KIAA1217: variants seen among roughly 807,000 people sequenced by gnomAD.
KIAA1217 encodes the protein KIAA1217.
Under a neutral mutation model 163.9 loss-of-function variants are expected in KIAA1217, and 88 were observed. The ratio of observed to expected loss-of-function variants is 0.54; its 90% confidence interval spans 0.45 to 0.64. KIAA1217 has a LOEUF of 0.64. KIAA1217 is among the 30% of genes least tolerant of loss of function. The probability of loss-of-function intolerance (pLI) is 0.00; values close to 1 mark genes in which losing one functional copy is unlikely to be tolerated. For synonymous variants in KIAA1217, 903 were observed against 923.1 expected, an observed-to-expected ratio of 0.98 and a Z score of 0.39; for missense variants, 2,372 against 2,475.0, an observed-to-expected ratio of 0.96 and a Z score of 0.88.
intron 2 of KIAA1217, among the ~76,000 whole-genome samples, chr10:24,186,725 T>C (rs1376171065): frequency 6.6e-6 from 1 of 152,054 alleles, no homozygotes; most frequent in Non-Finnish European, 1.5e-5. Flanking sequence ...ATCCCTTCTT[T>C]ACTAAAAATG....
chr10:23,856,325 G>A (rs1054665272), intron 1 of KIAA1217, among the ~76,000 whole-genome samples: 4 of 152,206 alleles, frequency 2.6e-5, no homozygotes, highest in Admixed American at 6.5e-5. Context: ...GCAGAACAGC[G>A]GATTTTCGTG....
At chr10:24,255,598 T>G (rs1471758907) in intron 2 of KIAA1217, 1 of 452,716 alleles carries the variant, frequency 2.2e-6, no homozygotes, top group Admixed American at 2.4e-5. Context: ...AGGAGCAAGG[T>G]ACAGGAGTGG....
chr10:23,829,178 G>A (rs1009293259), intron 1 of KIAA1217, among the ~76,000 whole-genome samples: 1 of 152,124 alleles, frequency 6.6e-6, no homozygotes, highest in African/African-American at 2.4e-5. Flanking sequence ...CAGATACATT[G>A]GCTGTAGGAA....
rs58529942 is a variant in KIAA1217 at position 24,511,152 on chromosome 10, CAAAAAAAA to C, written c.2002-2093_2002-2086del. 3.5e-4 allele frequency among the ~76,000 whole-genome samples: 12 copies of C among 34,512 alleles called. 2 individuals carry two copies. In the East Asian group the frequency reaches 0.01, roughly 29 times the overall value. 22.6% of individuals were successfully genotyped at this position (34,512 alleles called of 152,430 possible). Reference sequence around the variant, plus strand: ...TGGGCAACAGAGTGAGACTCTGTCTCAAAAAAAAAAAAAAAAAAAAAGGAGCCTGGCCC... The same window carrying C: ...TGGGCAACAGAGTGAGACTCTGTCTCAAAAAAAAAAAAAGGAGCCTGGCCC... On this transcript the variant is annotated intron_variant, in intron 9 of 20. Coordinates refer to ENST00000376454, the MANE Select transcript of KIAA1217 (RefSeq NM_019590.5).
intron 2 of KIAA1217, among the ~76,000 whole-genome samples, chr10:24,051,626 CT>C (rs1849519359): frequency 6.6e-6 from 1 of 152,022 alleles, no homozygotes; most frequent in Non-Finnish European, 1.5e-5. Context: ...TCTGTTATTT[CT>C]TTATTTTTAA....
At chr10:23,814,560 A>G (rs1837229824) in intron 1 of KIAA1217, among the ~76,000 whole-genome samples, 1 of 152,196 alleles carries the variant, frequency 6.6e-6, no homozygotes, top group Non-Finnish European at 1.5e-5. Flanking sequence ...GTATTAAATG[A>G]ACAAGTTATG....
At chr10:23,806,872 C>G (rs1370156916) in intron 1 of KIAA1217, among the ~76,000 whole-genome samples, 4 of 152,182 alleles carry the variant, frequency 2.6e-5, no homozygotes, top group Admixed American at 2.6e-4. Flanking sequence ...TAAGGTGCTT[C>G]CCACCCCTCT....
At position 23,740,029 on chromosome 10, in the gene KIAA1217, T is replaced by TGG. The variant is rs34058520; in HGVS notation, c.-321+44801_-321+44802dup. Among the ~76,000 whole-genome samples the TGG allele has an allele frequency of 4.2e-3, 642 of 151,564 alleles. 1 individual carries two copies. The highest frequency in any genetic ancestry group is 0.014 in the African/African-American group (566 of 41,172). On this transcript the variant is annotated intron_variant, in intron 1 of 18. Coordinates refer to the KIAA1217 transcript ENST00000376462. Reference sequence around the variant, plus strand: ...GAGGGGAGATGAGATTTGGTGAAGATGGGGGGGTTCCATTTTATACATCTT... The same window carrying TGG: ...GAGGGGAGATGAGATTTGGTGAAGATGGGGGGGGGTTCCATTTTATACATCTT...
chr10:23,741,883 A>G (rs542892594), intron 1 of KIAA1217, among the ~76,000 whole-genome samples: 5 of 152,228 alleles, frequency 3.3e-5, no homozygotes. Context: ...AGAATGAAAC[A>G]AGTGATGGGA....
At chr10:23,716,098 T>C (rs536016469) in intron 1 of KIAA1217, among the ~76,000 whole-genome samples, 21 of 152,182 alleles carry the variant, frequency 1.4e-4, no homozygotes, top group Non-Finnish European at 3.1e-4. Flanking sequence ...TGACTAACGC[T>C]GCATGCAAGA....
chr10:24,414,286 A>G (rs571928551), intron 3 of KIAA1217, among the ~76,000 whole-genome samples: 1 of 152,364 alleles, frequency 6.6e-6, no homozygotes, highest in East Asian at 1.9e-4. Flanking sequence ...TATGCTTGTT[A>G]TATAAGCATA....
In KIAA1217 at chr10:23,903,232, T is replaced by C. The variant is rs527418112; in HGVS notation, c.-320-103993T>C. Among the ~76,000 whole-genome samples the C allele has an allele frequency of 2.6e-5, 4 of 152,250 alleles. No homozygotes were observed. In the South Asian group the frequency reaches 8.3e-4, roughly 32 times the overall value. ...TTGGTATTTCTTTAAAACTTACCCA[T>C]GGTGAACTTAGTAGTTTCTATCAAA... is the stretch of plus-strand genomic sequence containing the variant. On this transcript the variant is annotated intron_variant, in intron 1 of 18. Transcript: ENST00000376462.
At chr10:23,720,490 T>A (rs1402471767) in intron 1 of KIAA1217, among the ~76,000 whole-genome samples, 3 of 152,150 alleles carry the variant, frequency 2.0e-5, no homozygotes, top group Non-Finnish European at 2.9e-5. Context: ...TGAGCTGCAC[T>A]TTTGAGGCTG....
At chr10:24,448,709 TAGTC>T (rs1219552034) in intron 5 of KIAA1217, among the ~76,000 whole-genome samples, 1 of 152,212 alleles carries the variant, frequency 6.6e-6, no homozygotes, top group African/African-American at 2.4e-5. Context: ...ATTGAGTCGA[TAGTC>T]AGTATTTCAA....
At chr10:23,784,646 C>G (rs1417911215) in intron 1 of KIAA1217, among the ~76,000 whole-genome samples, 1 of 152,044 alleles carries the variant, frequency 6.6e-6, no homozygotes, top group Non-Finnish European at 1.5e-5. Context: ...TTTGTAGTTA[C>G]CATGAGGTTA....
chr10:24,451,428 C>G (rs1044651184), intron 5 of KIAA1217, among the ~76,000 whole-genome samples: 1 of 152,200 alleles, frequency 6.6e-6, no homozygotes, highest in African/African-American at 2.4e-5. Context: ...TTCAACAGTG[C>G]TCTTCCCACC....
At chr10:24,489,516 T>G (rs1032113880) in intron 6 of KIAA1217, among the ~76,000 whole-genome samples, 4 of 151,688 alleles carry the variant, frequency 2.6e-5, no homozygotes, top group Non-Finnish European at 5.9e-5. Flanking sequence ...AGTGACACTT[T>G]GGTCAGTACA....
chr10:23,696,018 C>G (rs112465895), intron 1 of KIAA1217, among the ~76,000 whole-genome samples: 5,393 of 152,272 alleles, frequency 0.035, 330 homozygotes, highest in African/African-American at 0.12. Flanking sequence ...TCCGAGACCC[C>G]GGACTGTCCT....
chr10:23,774,543 C>T (rs1251908442), intron 1 of KIAA1217, among the ~76,000 whole-genome samples: 1 of 152,180 alleles, frequency 6.6e-6, no homozygotes, highest in African/African-American at 2.4e-5. Flanking sequence ...CAGACCTCCT[C>T]TACTGGCAGT....
Sources: gnomAD v4.1 joint callset for allele counts (sites outside exome capture counted in the v4.1 genomes callset) on GRCh38, gnomAD v4.1.1 for gene constraint, MANE v1.5 for transcripts, NCBI Gene and HGNC (gene_info 2026-07-23, HGNC 2026-07-21) for gene names.